C8G: variants seen among roughly 807,000 people sequenced by gnomAD.
C8G encodes the protein complement C8 gamma chain.
C8G carries 38 observed loss-of-function variants against 29.1 expected under a neutral mutation model. That is an observed-to-expected ratio of 1.31 (90% CI 1.01 to 1.71). The LOEUF (loss-of-function observed/expected upper bound fraction) is 1.71. Among genes scored for constraint, C8G ranks in the 40% most tolerant of loss-of-function variants. The pLI is 0.00. For synonymous variants in C8G, 158 were observed against 113.2 expected, an observed-to-expected ratio of 1.40 and a Z score of -2.51; for missense variants, 300 against 267.4, an observed-to-expected ratio of 1.12 and a Z score of -0.85.
intron 1 of C8G, 60 bp downstream of exon 1, chr9:136,945,518 C>T (rs913794372): frequency 3.1e-5 from 48 of 1,528,708 alleles, no homozygotes; most frequent in Non-Finnish European, 3.9e-5. Context: ...TAGAGGGAGA[C>T]AGGTAGAAGT....
intron 6 of C8G, 25 bp from the exon 7 acceptor site, chr9:136,946,743 C>G (rs967366361): frequency 6.2e-7 from 1 of 1,607,774 alleles, no homozygotes; most frequent in South Asian, 1.1e-5. Context: ...CCACTGCCAC[C>G]GGCTGAGTCT....
At position 136,945,307 on chromosome 9, in the gene C8G, C is replaced by CTGCTGCCGCCACCA. The variant is rs769015477; in HGVS notation, c.-6_8dup. 39 of 1,593,056 alleles carry CTGCTGCCGCCACCA rather than the reference C, an allele frequency of 2.4e-5. No individual in the cohort carries two copies. The Admixed American group carries it at 4.6e-4, about 19-fold the overall frequency. On this transcript the variant is annotated 5_prime_UTR_variant, in exon 1 of 7. It adds an upstream start codon to the 5' untranslated region. Coordinates refer to ENST00000371634, the MANE Select transcript of C8G (RefSeq NM_000606.3). The stretch of plus-strand genomic sequence containing the variant: ...CTTGGCCTCCCACAGTCCTGCCACC[C>CTGCTGCCGCCACCA]TGCTGCCGCCACCATGCTGCCCCCT...
intron 3 of C8G, 25 bp downstream of exon 3, chr9:136,946,024 T>G (rs1588467229): frequency 6.3e-7 from 1 of 1,594,812 alleles, no homozygotes; most frequent in East Asian, 2.3e-5. Context: ...GCAGGGCATG[T>G]GGGTGGGGGA....
rs762116381 is a variant in C8G, at chr9:136,945,325, T to G, written c.5T>G (p.Leu2Arg). 1 of 1,605,480 alleles carries G rather than the reference T, an allele frequency of 6.2e-7. No individual in the cohort carries two copies. The highest frequency in any genetic ancestry group is 1.1e-5 in the South Asian group (1 of 90,682). The change falls in exon 1 of 7, where the codon CTG becomes CGG. Residue 2 changes from leucine (L) to arginine (R), a missense_variant. Leu to Arg is a moderately radical substitution (Grantham distance 102). Transcript: ENST00000371634. ...TGCCACCCTGCTGCCGCCACCATGC[T>G]GCCCCCTGGGACTGCGACCCTCTTG... M[L>R]PPGTATLLTL...
At chr9:136,945,487 A>T in intron 1 of C8G, 29 bp downstream of exon 1, 1 of 1,552,924 alleles carries the variant, frequency 6.4e-7, no homozygotes, top group Non-Finnish European at 8.7e-7. Flanking sequence ...AGAGGGAGGC[A>T]GGTAGAAGTT....
intron 2 of C8G, 74 bp from the exon 3 acceptor site, chr9:136,945,854 AC>A: frequency 1.9e-6 from 3 of 1,541,048 alleles, no homozygotes; most frequent in Non-Finnish European, 2.6e-6. Context: ...CCCTGACCCC[AC>A]CCCGGCTGTG....
Position 136,945,706 on chromosome 9 carries a change from G to C in C8G, c.211G>C (p.Glu71Gln), listed in dbSNP as rs1463153691. The C allele has an allele frequency of 6.3e-7, 1 of 1,591,586 alleles. No homozygotes were observed. The highest frequency in any genetic ancestry group is 1.3e-5 in the African/African-American group (1 of 74,578). Reference protein sequence around the residue: ...RFLQEQGHRAEATTLHVAPQG... With the variant: ...RFLQEQGHRAQATTLHVAPQG... ...CCTGCAGGAGCAGGGCCACCGGGCC[G>C]AGGCCACCACACTGCATGTGGCTCC... is the stretch of plus-strand genomic sequence containing the variant. Residue 71 changes from glutamate to glutamine, a missense_variant, in exon 2 of 7, where the codon GAG (glutamate) becomes CAG (glutamine). Glu to Gln is a conservative substitution (Grantham distance 29). Transcript: ENST00000371634.
At chr9:136,945,889 G>T in intron 2 of C8G, 40 bp from the exon 3 acceptor site, 1 of 1,548,452 alleles carries the variant, frequency 6.5e-7, no homozygotes. Context: ...TTCCTGGTTG[G>T]GGTCTCCCAG....
chr9:136,946,485 G>A lies in C8G; in HGVS notation c.475G>A (p.Asp159Asn), dbSNP rs373466029. 2.9e-5 allele frequency: 46 copies of A among 1,610,580 alleles called. No individual in the cohort carries two copies. In the African/African-American group the frequency reaches 4.3e-4, roughly 15 times the overall value. Residue 159 changes from aspartate to asparagine, a missense_variant, in exon 5 of 7, where the codon GAC becomes AAC. Coordinates refer to ENST00000371634, the MANE Select transcript of C8G (RefSeq NM_000606.3). ...KLYARSLPVS[D>N]SVLSGFEQRV... ...TGCAGCCCGCTCGCTCCCTGTGAGC[G>A]ACTCGGTCCTGAGTGGGTTTGAGCA... is the stretch of plus-strand genomic sequence containing the variant.
At position 136,946,456 on chromosome 9, in the gene C8G, G is replaced by T. The variant is rs1312693724; in HGVS notation, c.455-9G>T. 1 of 1,588,648 alleles carries T rather than the reference G, an allele frequency of 6.3e-7. No homozygotes were observed. The highest frequency in any genetic ancestry group is 1.3e-5 in the African/African-American group (1 of 74,516). ...TGCCAGGACCCCAGGAACCCTGTCT[G>T]CCCTGCAGCCCGCTCGCTCCCTGTG... On this transcript the variant is annotated splice_polypyrimidine_tract_variant and intron_variant, in intron 4 of 6. Coordinates refer to ENST00000371634, the MANE Select transcript of C8G (RefSeq NM_000606.3).
In C8G at chr9:136,946,870, C is replaced by G. The variant is rs1197587359; in HGVS notation, c.*89C>G. On this transcript the variant is annotated 3_prime_UTR_variant, in exon 7 of 7. Transcript: ENST00000371634. Reference sequence around the variant, plus strand: ...GCCCGCTGCCTGTCCTCCGTGAAACCAGCCTCAGATCAGGGCCCTGCCACC... The same window carrying G: ...GCCCGCTGCCTGTCCTCCGTGAAACGAGCCTCAGATCAGGGCCCTGCCACC... 6.7e-7 allele frequency: 1 copy of G among 1,493,366 alleles called. No individual in the cohort carries two copies. Among genetic ancestry groups the G allele is most frequent in the Non-Finnish European group, 9.0e-7 (1 of 1,108,434 alleles). The allele number at this position is 1,493,366 out of a possible 1,614,324, so 92.5% of individuals were successfully genotyped here. A position where few individuals can be genotyped will look rare whatever the true frequency, so the allele number is the denominator to read the frequency against.
At chr9:136,946,596 GCCACCC>G in intron 5 of C8G, 30 bp downstream of exon 5, 6 of 1,612,524 alleles carry the variant, frequency 3.7e-6, no homozygotes, top group Middle Eastern at 1.7e-4. Context: ...CCCCAGCTCA[GCCACCC>G]CCACTCTCTG....
intron 1 of C8G, 32 bp downstream of exon 1, chr9:136,945,490 T>G (rs750291705): frequency 3.9e-6 from 6 of 1,544,210 alleles, no homozygotes; most frequent in East Asian, 2.4e-5. Context: ...GGGAGGCAGG[T>G]AGAAGTTGTG....
rs1851000908 is a variant in C8G at position 136,945,457 on chromosome 9, AGGTAGAAGTTGGGGGGGGTAGAGGGAG to A, written c.138+1_138+27del. ...CCCAAGGCCAATTTTGATGCTCAGC[AGGTAGAAGTTGGGGGGGGTAGAGGGAG>A]GCAGGTAGAAGTTGTGGGAGGGGTA... On this transcript the variant is annotated splice_donor_variant and splice_donor_5th_base_variant and coding_sequence_variant and intron_variant, in exon 1 of 7. Transcript: ENST00000371634. LOFTEE classifies it high-confidence loss of function. The A allele has an allele frequency of 5.7e-6, 9 of 1,567,798 alleles. No homozygotes were observed. Among genetic ancestry groups the A allele is most frequent in the Middle Eastern group, 3.3e-4 (2 of 6,024 alleles).
chr9:136,945,499 T>TG (rs757290156), intron 1 of C8G, 41 bp downstream of exon 1: 2 of 1,528,480 alleles, frequency 1.3e-6, no homozygotes, highest in Non-Finnish European at 1.8e-6. Flanking sequence ...GTAGAAGTTG[T>TG]GGGAGGGGTA....
chr9:136,946,963 G>A lies in C8G; in HGVS notation c.*182G>A, dbSNP rs953506979. The A allele has an allele frequency of 2.8e-6, 2 of 724,262 alleles. No individual in the cohort carries two copies. 44.9% of individuals were successfully genotyped at this position (724,262 alleles called of 1,614,324 possible). A position where few individuals can be genotyped will look rare whatever the true frequency, so the allele number is the denominator to read the frequency against. ...GTGGAGTGGTACCTACTTATTAAATGTCTCAGACCCCTCTCTGACTCTTCT... is the reference window on the plus strand; with the variant it reads ...GTGGAGTGGTACCTACTTATTAAATATCTCAGACCCCTCTCTGACTCTTCT... On this transcript the variant is annotated 3_prime_UTR_variant, in exon 7 of 7. Coordinates refer to ENST00000371634, the MANE Select transcript of C8G (RefSeq NM_000606.3).
rs1396287259 is a variant in C8G, at chr9:136,945,411, T to G, written c.91T>G (p.Ser31Ala). ...GCCTCAGAGGCCACGCCGGCCCGCA[T>G]CCCCCATCAGCACCATCCAGCCCAA... ...QKPQRPRRPASPISTIQPKAN... is the reference protein window; with the variant it reads ...QKPQRPRRPAAPISTIQPKAN... Residue 31 changes from serine (S) to alanine (A), a missense_variant, in exon 1 of 7, where the codon TCC becomes GCC. Ser to Ala is a moderately conservative substitution (Grantham distance 99). Coordinates refer to ENST00000371634, the MANE Select transcript of C8G (RefSeq NM_000606.3). 6.3e-7 allele frequency: 1 copy of G among 1,599,140 alleles called. No individual in the cohort carries two copies. Among genetic ancestry groups the G allele is most frequent in the South Asian group, 1.1e-5 (1 of 88,830 alleles).
Position 136,946,278 on chromosome 9 carries a change from T to TG in C8G, c.454+90dup, listed in dbSNP as rs750372885. On this transcript the variant is annotated intron_variant, in intron 4 of 6. Coordinates refer to ENST00000371634, the MANE Select transcript of C8G (RefSeq NM_000606.3). ...CACCCCGAGGGGCTGGGTGAGCCCA[T>TG]GGGGACACACTTCCTTTCTCCCATC... 54 of 1,375,270 alleles carry TG rather than the reference T, an allele frequency of 3.9e-5. No homozygotes were observed. The African/African-American group carries it at 6.8e-4, about 17-fold the overall frequency. The allele number at this position is 1,375,270 out of a possible 1,614,324, so 85.2% of individuals were successfully genotyped here.
At position 136,946,569 on chromosome 9, in the gene C8G, G is replaced by A. The variant is rs753203452; in HGVS notation, c.556+3G>A. On this transcript the variant is annotated splice_donor_region_variant and intron_variant, in intron 5 of 6. Coordinates refer to ENST00000371634, the MANE Select transcript of C8G (RefSeq NM_000606.3). ...GATCTTCTACTTCCCCAAGTACGGTGAGTGTCCCCAGCAGGTCCCCAGCTC... is the reference window on the plus strand; with the variant it reads ...GATCTTCTACTTCCCCAAGTACGGTAAGTGTCCCCAGCAGGTCCCCAGCTC... The A allele has an allele frequency of 3.1e-6, 5 of 1,612,892 alleles. No individual in the cohort carries two copies. In the South Asian group the frequency reaches 5.5e-5, roughly 18 times the overall value.
Sources: gnomAD v4.1 joint callset for allele counts on GRCh38, gnomAD v4.1.1 for gene constraint, MANE v1.5 for transcripts, NCBI Gene and HGNC (gene_info 2026-07-23, HGNC 2026-07-21) for gene names.